TENM4: variants seen among roughly 807,000 people sequenced by gnomAD.
The protein encoded by TENM4 is teneurin transmembrane protein 4.
In TENM4, 82 loss-of-function variants were observed where a neutral mutation model predicts 243.3. The ratio of observed to expected loss-of-function variants is 0.34; its 90% confidence interval spans 0.28 to 0.40. TENM4 has a LOEUF of 0.40. TENM4 is among the 10% of genes least tolerant of loss of function. TENM4 has a pLI of 1.00. For missense variants in TENM4, 3,138 were observed against 3,673.3 expected (o/e 0.85, Z 3.77); for synonymous variants, 1,412 against 1,456.3 (o/e 0.97, Z 0.69).
intron 2 of TENM4, among the ~76,000 whole-genome samples, chr11:79,285,610 C>T (rs561875550): frequency 3.9e-5 from 6 of 152,104 alleles, no homozygotes; most frequent in African/African-American, 1.2e-4. Context: ...AACCCTAATG[C>T]CCATCAACTG....
At chr11:79,428,437 T>C (rs1337308514) in intron 1 of TENM4, among the ~76,000 whole-genome samples, 4 of 152,210 alleles carry the variant, frequency 2.6e-5, no homozygotes, top group Non-Finnish European at 5.9e-5. Flanking sequence ...AAAGCTATTA[T>C]CATCTGATAA....
chr11:78,745,920 C>G (rs971840196), intron 19 of TENM4, among the ~76,000 whole-genome samples: 2 of 152,186 alleles, frequency 1.3e-5, no homozygotes, highest in African/African-American at 4.8e-5. Flanking sequence ...TTTCCAATAG[C>G]CTTATGCCCA....
chr11:79,115,535 C>T (rs980933667), intron 4 of TENM4, among the ~76,000 whole-genome samples: 2 of 152,164 alleles, frequency 1.3e-5, no homozygotes, highest in Non-Finnish European at 2.9e-5. Context: ...ATCACATCTC[C>T]TCCTGGGTTT....
chr11:79,412,838 T>C (rs759513095), intron 1 of TENM4, among the ~76,000 whole-genome samples: 2 of 152,216 alleles, frequency 1.3e-5, no homozygotes, highest in Non-Finnish European at 2.9e-5. Context: ...CAACTCTGGA[T>C]CACTGCAGCC....
intron 6 of TENM4, among the ~76,000 whole-genome samples, chr11:78,945,361 T>C (rs1856985723): frequency 6.6e-6 from 1 of 152,224 alleles, no homozygotes. Flanking sequence ...CTATTGTAAT[T>C]GTTCTGAGAT....
intron 6 of TENM4, among the ~76,000 whole-genome samples, chr11:79,031,692 G>A (rs1208825602): frequency 1.3e-5 from 2 of 152,164 alleles, no homozygotes; most frequent in Non-Finnish European, 2.9e-5. Context: ...TTGTGAGGCG[G>A]GCACAGAGGC....
intron 12 of TENM4, among the ~76,000 whole-genome samples, chr11:78,838,155 G>C (rs1386612740): frequency 6.6e-6 from 1 of 152,120 alleles, no homozygotes; most frequent in African/African-American, 2.4e-5. Context: ...AATTTGTACT[G>C]CTTCAATTAT....
rs971710974 is a variant in TENM4, at chr11:79,440,700, G to A, written c.-512C>T. The A allele has an allele frequency of 6.6e-6, 1 of 152,176 alleles. No individual in the cohort carries two copies. Among genetic ancestry groups the A allele is most frequent in the African/African-American group, 2.4e-5 (1 of 41,422 alleles). The allele number at this position is 152,176 out of a possible 1,614,324, so 9.4% of individuals were successfully genotyped here. ...CGAGACCAACAATAGCTCCCGCGGG[G>A]AGCGGAGCCCCAGCGAGCCTCCAGC... On this transcript the variant is annotated 5_prime_UTR_variant, in exon 1 of 34. Transcript: ENST00000278550. This position sits in a 1 kb window ranked among gnomAD's most constrained non-coding sequence, Gnocchi z 4.7.
chr11:78,748,625 A>G (rs1342332107), intron 19 of TENM4, among the ~76,000 whole-genome samples: 1 of 152,186 alleles, frequency 6.6e-6, no homozygotes, highest in Non-Finnish European at 1.5e-5. Context: ...GTGGCTTCCA[A>G]TGTTGGCTCT....
intron 26 of TENM4, among the ~76,000 whole-genome samples, chr11:78,710,900 C>T (rs1859381530): frequency 6.6e-6 from 1 of 152,180 alleles, no homozygotes; most frequent in Non-Finnish European, 1.5e-5. Context: ...AACTGAAAAG[C>T]CCTGGAGGGA....
chr11:78,896,266 T>C (rs117786936), intron 7 of TENM4, among the ~76,000 whole-genome samples: 1,703 of 152,240 alleles, frequency 0.011, 13 homozygotes, highest in Non-Finnish European at 0.017. Flanking sequence ...ACACCCCATA[T>C]TCTGTAGCTG....
intron 6 of TENM4, among the ~76,000 whole-genome samples, chr11:79,031,674 A>G (rs1375590240): frequency 6.6e-6 from 1 of 152,228 alleles, no homozygotes; most frequent in Non-Finnish European, 1.5e-5. Flanking sequence ...GTGGAAGGAC[A>G]GTGGGACTTG....
intron 9 of TENM4, among the ~76,000 whole-genome samples, chr11:78,874,236 T>G (rs1859207436): frequency 6.6e-6 from 1 of 152,034 alleles, no homozygotes; most frequent in Admixed American, 6.6e-5. Flanking sequence ...TGACTCTTAG[T>G]TTTTTCATCT....
In TENM4 at chr11:79,297,513, A is replaced by G. The variant is rs1055148355; in HGVS notation, c.-290T>C. On this transcript the variant is annotated 5_prime_UTR_variant, in exon 2 of 34. Transcript: ENST00000278550. ...CTACCGACCAAGTGTCTGAGAGATC[A>G]CTAGCCCTCTCTGATTCTCAGTTTT... 6.6e-6 allele frequency: 1 copy of G among 152,630 alleles called. No individual in the cohort carries two copies. The highest frequency in any genetic ancestry group is 2.4e-5 in the African/African-American group (1 of 41,432). 9.5% of individuals were successfully genotyped at this position (152,630 alleles called of 1,614,324 possible). A position where few individuals can be genotyped will look rare whatever the true frequency, so the allele number is the denominator to read the frequency against.
intron 2 of TENM4, among the ~76,000 whole-genome samples, chr11:79,219,636 G>A (rs561067273): frequency 1.3e-5 from 2 of 152,294 alleles, no homozygotes; most frequent in East Asian, 3.9e-4. Flanking sequence ...GGAAGCAAGG[G>A]AGACAAGATC....
chr11:78,824,020 T>C (rs1857794843), intron 12 of TENM4, among the ~76,000 whole-genome samples: 1 of 152,188 alleles, frequency 6.6e-6, no homozygotes, highest in Non-Finnish European at 1.5e-5. Context: ...CTTGCCTAAG[T>C]TGATGCCGCT....
At chr11:79,018,752 T>C (rs1386470246) in intron 6 of TENM4, among the ~76,000 whole-genome samples, 3 of 152,222 alleles carry the variant, frequency 2.0e-5, no homozygotes, top group African/African-American at 7.2e-5. Flanking sequence ...ATGGAAGTGA[T>C]TCACTCTGGC....
At chr11:78,675,186 C>T (rs1858436386) in intron 30 of TENM4, among the ~76,000 whole-genome samples, 1 of 152,150 alleles carries the variant, frequency 6.6e-6, no homozygotes. Context: ...GTCTTTACCA[C>T]CACCTCGCTA....
chr11:79,150,441 C>T (rs557149039), intron 3 of TENM4, among the ~76,000 whole-genome samples: 2 of 152,182 alleles, frequency 1.3e-5, no homozygotes, highest in South Asian at 4.1e-4. Flanking sequence ...TAGCAAACAG[C>T]CCTTCCCATG....
Sources: gnomAD v4.1 joint callset for allele counts (sites outside exome capture counted in the v4.1 genomes callset) on GRCh38, gnomAD v4.1.1 for gene constraint, Gnocchi (gnomAD v3.1) non-coding constraint, MANE v1.5 for transcripts, NCBI Gene and HGNC (gene_info 2026-07-23, HGNC 2026-07-21) for gene names.